The following CPSF2 variants were observed in gnomAD, a reference collection of about 807,000 sequenced individuals.
CPSF2 encodes the protein cleavage and polyadenylation specificity factor subunit 2.
CPSF2 carries 51 observed loss-of-function variants against 84.2 expected under a neutral mutation model. The observed-to-expected ratio is 0.61, with a 90% CI of 0.48 to 0.77. The LOEUF is 0.77. Ranked by LOEUF, CPSF2 falls within the 30% of genes least tolerant of loss-of-function variation. CPSF2 has a pLI of 0.00. For synonymous variants in CPSF2, 286 were observed against 311.9 expected (o/e 0.92, Z 0.87); for missense variants, 641 against 929.4 (o/e 0.69, Z 4.03).
At chr14:92,154,985 G>C (rs1182808578) in intron 10 of CPSF2, 138 bp from the exon 11 acceptor site, 1 of 626,366 alleles carries the variant, frequency 1.6e-6, no homozygotes, top group African/African-American at 1.8e-5. Context: ...GTCTATTGTT[G>C]TTGACCGACA....
intron 6 of CPSF2, 72 bp from the exon 7 acceptor site, chr14:92,138,160 T>C: frequency 2.9e-6 from 2 of 695,086 alleles, no homozygotes; most frequent in Non-Finnish European, 4.6e-6. Flanking sequence ...CTGCTTATTT[T>C]TTAAGTAAGA....
intron 1 of CPSF2, among the ~76,000 whole-genome samples, chr14:92,123,247 G>C (rs2068800984): frequency 6.6e-6 from 1 of 151,880 alleles, no homozygotes; most frequent in African/African-American, 2.4e-5. Flanking sequence ...TCCTGCCTCA[G>C]ACTCCCGAGT....
In CPSF2 at chr14:92,165,142, A is replaced by G. The variant is rs2069426908; in HGVS notation, c.*3398A>G. The G allele has an allele frequency of 6.6e-6, 1 of 152,132 alleles. No homozygotes were observed. Among genetic ancestry groups the G allele is most frequent in the Non-Finnish European group, 1.5e-5 (1 of 68,032 alleles). 9.4% of individuals were successfully genotyped at this position (152,132 alleles called of 1,614,324 possible). ...GACTGAATATTATTCCACCGAATGG[A>G]TATACCACATTTTACTTATCCATTC... On this transcript the variant is annotated 3_prime_UTR_variant, in exon 16 of 16. Coordinates refer to ENST00000298875, the MANE Select transcript of CPSF2 (RefSeq NM_017437.3).
chr14:92,157,803 C>T lies in CPSF2; in HGVS notation c.1740C>T (p.Ala580=), dbSNP rs921346852. Residue 580 remains alanine (A), a synonymous_variant, in exon 13 of 16, where the codon GCC becomes GCT. Transcript: ENST00000298875. The surrounding 1 kb of genome is among the most constrained non-coding windows in gnomAD (Gnocchi z 4.0). ...AAGATCTGGCAGAGTGCTGTCGCGC[C>T]TTTGGTGGGAAAGATATTAAAGTGT... The part of the protein sequence containing the change: ...ASQDLAECCR[A]FGGKDIKVYM... 5.0e-6 allele frequency: 8 copies of T among 1,614,024 alleles called. No individual in the cohort carries two copies. Among genetic ancestry groups the T allele is most frequent in the Non-Finnish European group, 5.9e-6 (7 of 1,180,014 alleles).
chr14:92,142,331 G>A lies in CPSF2; in HGVS notation c.829G>A (p.Val277Met). 1.2e-6 allele frequency: 2 copies of A among 1,612,120 alleles called. No homozygotes were observed. The highest frequency in any genetic ancestry group is 1.3e-5 in the African/African-American group (1 of 75,010). The change falls in exon 8 of 16, where the codon GTG becomes ATG. Residue 277 changes from valine (V) to methionine (M), a missense_variant. By Grantham distance (21) the Val-to-Met change is conservative. This residue lies in a region of CPSF2 where 211 missense variants were observed against 375.7 expected (regional missense o/e 0.56). Coordinates refer to ENST00000298875, the MANE Select transcript of CPSF2 (RefSeq NM_017437.3). The stretch of plus-strand genomic sequence containing the variant: ...CCTAAATAATGTCAGTTACAATGTG[G>A]TGGAGTTTTCTAAGTCCCAGGTTTG... ...ALLNNVSYNVVEFSKSQVEWM... is the reference protein window; with the variant it reads ...ALLNNVSYNVMEFSKSQVEWM...
chr14:92,168,637 C>CA lies in CPSF2; in HGVS notation c.*6894dup, dbSNP rs2069481762. On this transcript the variant is annotated 3_prime_UTR_variant, in exon 16 of 16. Transcript: ENST00000298875. ...CTCCTCGTGGCTGGACGCCGTGGCTCACACCTGTGATCCCAGCACTTTGGG... is the reference window on the plus strand; with the variant it reads ...CTCCTCGTGGCTGGACGCCGTGGCTCAACACCTGTGATCCCAGCACTTTGGG... 1 of 152,170 alleles carries CA rather than the reference C, an allele frequency of 6.6e-6. No individual in the cohort carries two copies. The highest frequency in any genetic ancestry group is 2.1e-4 in the South Asian group (1 of 4,826). The allele number at this position is 152,170 out of a possible 1,614,324, so 9.4% of individuals were successfully genotyped here. A position where few individuals can be genotyped will look rare whatever the true frequency, so the allele number is the denominator to read the frequency against.
chr14:92,137,881 T>C (rs1411763846), intron 6 of CPSF2, among the ~76,000 whole-genome samples: 1 of 152,160 alleles, frequency 6.6e-6, no homozygotes, highest in South Asian at 2.1e-4. Flanking sequence ...TAGGAATGTA[T>C]ATGGGATATC....
chr14:92,125,573 T>C (rs528839560), intron 1 of CPSF2, among the ~76,000 whole-genome samples: 141 of 152,244 alleles, frequency 9.3e-4, no homozygotes, highest in African/African-American at 3.3e-3. Flanking sequence ...ATCTTTCTAC[T>C]TGATAATGAG....
chr14:92,135,887 A>C (rs1320001723), intron 6 of CPSF2, among the ~76,000 whole-genome samples: 1 of 152,210 alleles, frequency 6.6e-6, no homozygotes, highest in Non-Finnish European at 1.5e-5. Context: ...CTCATCTTAT[A>C]GCTCCCATAA....
chr14:92,157,596 T>A lies in CPSF2; in HGVS notation c.1596-63T>A. On this transcript the variant is annotated intron_variant, in intron 12 of 15. Transcript: ENST00000298875. This position sits in a 1 kb window ranked among gnomAD's most constrained non-coding sequence, Gnocchi z 4.0. ...CTAGTGTTATATATTGTATACATGATAAAAGCCATTTTTTTTTAGAATTAT... is the reference window on the plus strand; with the variant it reads ...CTAGTGTTATATATTGTATACATGAAAAAAGCCATTTTTTTTTAGAATTAT... 8.2e-7 allele frequency: 1 copy of A among 1,225,892 alleles called. No individual in the cohort carries two copies. Among genetic ancestry groups the A allele is most frequent in the South Asian group, 1.3e-5 (1 of 75,424 alleles). 75.9% of individuals were successfully genotyped at this position (1,225,892 alleles called of 1,614,324 possible). A position where few individuals can be genotyped will look rare whatever the true frequency, so the allele number is the denominator to read the frequency against.
In CPSF2 at chr14:92,163,311, T is replaced by G. The variant is rs2069399343; in HGVS notation, c.*1567T>G. The G allele has an allele frequency of 6.6e-6, 1 of 152,628 alleles. No individual in the cohort carries two copies. Among genetic ancestry groups the G allele is most frequent in the Admixed American group, 6.5e-5 (1 of 15,288 alleles). The allele number at this position is 152,628 out of a possible 1,614,324, so 9.5% of individuals were successfully genotyped here. Reference sequence around the variant, plus strand: ...ATTCTATTTCAAATGCTTATAAAGCTACTATTGTAGATTATAGTGTTAATG... The same window carrying G: ...ATTCTATTTCAAATGCTTATAAAGCGACTATTGTAGATTATAGTGTTAATG... On this transcript the variant is annotated 3_prime_UTR_variant, in exon 16 of 16. Transcript: ENST00000298875.
chr14:92,152,838 AAAAGCTCTTTGGGGTTCTCT>A, intron 9 of CPSF2, among the ~76,000 whole-genome samples: 1 of 152,304 alleles, frequency 6.6e-6, no homozygotes, highest in African/African-American at 2.4e-5. Context: ...CACAAAAACA[AAAAGCTCTTTGGGGTTCTCT>A]AATTTTTAGG....
intron 3 of CPSF2, among the ~76,000 whole-genome samples, chr14:92,133,764 CCTT>C (rs2068965061): frequency 6.6e-6 from 1 of 152,116 alleles, no homozygotes; most frequent in African/African-American, 2.4e-5. Flanking sequence ...TCACACATGG[CCTT>C]CTTTTCTGTT....
chr14:92,155,437 G>A, intron 11 of CPSF2, 114 bp downstream of exon 11: 1 of 827,798 alleles, frequency 1.2e-6, no homozygotes, highest in Non-Finnish European at 1.9e-6. Context: ...CATGTATGGG[G>A]TTAGCTTCTG....
chr14:92,135,580 GT>G (rs2141458002), intron 6 of CPSF2, 84 bp downstream of exon 6: 2 of 1,428,546 alleles, frequency 1.4e-6, no homozygotes, highest in South Asian at 2.9e-5. Context: ...CACAGTTTTT[GT>G]TTTGGTTACC....
In CPSF2 at chr14:92,135,470, A is replaced by C. The variant is rs377010120; in HGVS notation, c.519A>C (p.Ala173=). 22 of 1,613,590 alleles carry C rather than the reference A, an allele frequency of 1.4e-5. No individual in the cohort carries two copies. The African/African-American group carries it at 2.8e-4, about 21-fold the overall frequency. Residue 173 remains alanine (A), a synonymous_variant, in exon 6 of 16, where the codon GCA becomes GCC. Transcript: ENST00000298875. ...VKDGEEEIVY[A]VDFNHKREIH... ...ATGGAGAAGAAGAAATTGTTTATGC[A>C]GTTGACTTCAACCACAAGAGGGAGA...
Position 92,157,758 on chromosome 14 carries a change from T to C in CPSF2, c.1695T>C (p.His565=). The C allele has an allele frequency of 6.2e-7, 1 of 1,614,074 alleles. No homozygotes were observed. Among genetic ancestry groups the C allele is most frequent in the Non-Finnish European group, 8.5e-7 (1 of 1,179,968 alleles). ...QMKPRQLIIV[H]GPPEASQDLA... ...AACCACGACAGTTGATCATCGTCCA[T>C]GGCCCACCAGAGGCCAGTCAAGATC... The change falls in exon 13 of 16, where the codon CAT becomes CAC. Residue 565 remains histidine, a synonymous_variant. Coordinates refer to ENST00000298875, the MANE Select transcript of CPSF2 (RefSeq NM_017437.3). This position sits in a 1 kb window ranked among gnomAD's most constrained non-coding sequence, Gnocchi z 4.0.
intron 6 of CPSF2, among the ~76,000 whole-genome samples, chr14:92,137,318 T>C (rs760702136): frequency 2.6e-5 from 4 of 152,224 alleles, no homozygotes; most frequent in African/African-American, 4.8e-5. Flanking sequence ...CAAGCAATCT[T>C]CCCATTTTAG....
intron 9 of CPSF2, among the ~76,000 whole-genome samples, chr14:92,149,276 A>G (rs1356193477): frequency 6.6e-6 from 1 of 152,082 alleles, no homozygotes; most frequent in Non-Finnish European, 1.5e-5. Context: ...AAAAAATGCT[A>G]GTTTCACTTA....
Sources: allele counts gnomAD v4.1 joint callset (sites outside exome capture counted in the v4.1 genomes callset), GRCh38; gene constraint gnomAD v4.1.1; regional missense constraint gnomAD v4.1.1; non-coding constraint Gnocchi (gnomAD v3.1); transcripts MANE v1.5; gene names NCBI Gene and HGNC (gene_info 2026-07-23, HGNC 2026-07-21).